Variants in NHSL2 observed in about 807,000 individuals in gnomAD.
NHSL2 encodes the protein NHS-like protein 2.
In NHSL2, 27 loss-of-function variants were observed where a neutral mutation model predicts 53.4. That is an observed-to-expected ratio of 0.51 (90% confidence interval 0.37 to 0.70). NHSL2 has a LOEUF of 0.70. Among genes scored for constraint, NHSL2 ranks in the 30% least tolerant of loss-of-function variants. The pLI is 0.00. For synonymous variants in NHSL2, 408 were observed against 404.1 expected (o/e 1.01, Z -0.12); for missense variants, 892 against 980.1 (o/e 0.91, Z 1.20).
rs761360211 is a variant in NHSL2, at chrX:71,965,624, A to G, written c.280+54257A>G. On this transcript the variant is annotated intron_variant, in intron 1 of 7. Transcript: ENST00000633930. ...ACCTCTCCATATAAACTTTAGAATC[A>G]GTTTGTTGATATCCACAAAATAACT... is the stretch of plus-strand genomic sequence containing the variant. 1.5e-4 allele frequency among the ~76,000 whole-genome samples: 17 copies of G among 112,182 alleles called. No individual in the cohort carries two copies. In the South Asian group the frequency reaches 6.3e-3, roughly 42 times the overall value.
At chrX:72,071,652 A>T (rs1167500722) in intron 1 of NHSL2, among the ~76,000 whole-genome samples, 1 of 110,793 alleles carries the variant, frequency 9.0e-6, no homozygotes, top group Non-Finnish European at 1.9e-5. Context: ...GTGATCCCAG[A>T]AGCCCCGATT....
chrX:72,059,663 C>T (rs768785912), intron 1 of NHSL2, among the ~76,000 whole-genome samples: 3 of 111,717 alleles, frequency 2.7e-5, no homozygotes, highest in Non-Finnish European at 3.8e-5. Context: ...GGAAGGAATT[C>T]AGTTCTGGGT....
chrX:71,972,970 A>G (rs61404131), intron 1 of NHSL2, among the ~76,000 whole-genome samples: 7,229 of 109,719 alleles, frequency 0.066, 234 homozygotes, highest in East Asian at 0.28. Flanking sequence ...AAGAACTATT[A>G]CTTTAGTTTT....
At chrX:71,934,965 C>G (rs982461985) in intron 1 of NHSL2, among the ~76,000 whole-genome samples, 1 of 111,551 alleles carries the variant, frequency 9.0e-6, no homozygotes, top group East Asian at 2.8e-4. Flanking sequence ...TTTAGGGTGC[C>G]CTTCCAGCTG....
intron 1 of NHSL2, among the ~76,000 whole-genome samples, chrX:72,124,141 CA>C (rs1411968676): frequency 0.012 from 1,371 of 110,070 alleles, 23 homozygotes; most frequent in African/African-American, 0.044. Context: ...CCCCACCTCC[CA>C]TTAAGGGGGT....
At chrX:72,137,843 A>G (rs1413185968) in intron 5 of NHSL2, among the ~76,000 whole-genome samples, 1 of 112,246 alleles carries the variant, frequency 8.9e-6, no homozygotes, top group African/African-American at 3.2e-5. Flanking sequence ...AGTTATAATA[A>G]TAATAATAAT....
At chrX:71,986,451 T>C (rs762018796) in intron 1 of NHSL2, among the ~76,000 whole-genome samples, 135 of 112,170 alleles carry the variant, frequency 1.2e-3, no homozygotes, top group Non-Finnish European at 1.5e-3. Context: ...ATGAGGCCAA[T>C]TGAATCTTGA....
chrX:72,096,528 A>G (rs2041945034), intron 1 of NHSL2, among the ~76,000 whole-genome samples: 1 of 112,116 alleles, frequency 8.9e-6, no homozygotes, highest in African/African-American at 3.2e-5. Flanking sequence ...ATTGTATAGG[A>G]TAATATATGG....
chrX:71,972,826 G>C (rs1487857170), intron 1 of NHSL2, among the ~76,000 whole-genome samples: 1 of 107,162 alleles, frequency 9.3e-6, no homozygotes, highest in Admixed American at 1.0e-4. Context: ...TGTTGTTGTT[G>C]TTCTTCAGAC....
At chrX:72,024,833 A>C (rs1428471830) in intron 1 of NHSL2, among the ~76,000 whole-genome samples, 1 of 112,620 alleles carries the variant, frequency 8.9e-6, no homozygotes, top group Non-Finnish European at 1.9e-5. Flanking sequence ...CAAGAAGCAC[A>C]TATGACTATA....
In NHSL2 at chrX:72,151,397, C is replaced by T. The variant is rs1352873959; in HGVS notation, c.*7823C>T. ...CCCTGATCCAGACTGTCTTCTGAGA[C>T]AAGCATTTCTGTGAGCTGCCCCATG... On this transcript the variant is annotated 3_prime_UTR_variant, in exon 8 of 8. Coordinates refer to ENST00000633930, the MANE Select transcript of NHSL2 (RefSeq NM_001013627.3). 2 of 111,071 alleles carry T rather than the reference C, an allele frequency of 1.8e-5. No homozygotes were observed. The highest frequency in any genetic ancestry group is 1.9e-5 in the Non-Finnish European group (1 of 53,184). The allele number at this position is 111,071 out of a possible 1,213,427, so 9.2% of individuals were successfully genotyped here.
At chrX:72,123,749 G>T (rs2042199611) in intron 1 of NHSL2, among the ~76,000 whole-genome samples, 1 of 111,544 alleles carries the variant, frequency 9.0e-6, no homozygotes, top group Admixed American at 9.4e-5. Context: ...TTCCCTTTTA[G>T]CCTCTTTCTC....
At chrX:72,040,172 C>T (rs2042265846) in intron 1 of NHSL2, among the ~76,000 whole-genome samples, 2 of 111,679 alleles carry the variant, frequency 1.8e-5, no homozygotes, top group African/African-American at 6.5e-5. Flanking sequence ...TAACAGGAGA[C>T]ACTCCTGTTA....
rs755929634 is a variant in NHSL2, at chrX:71,948,097, A to G, written c.280+36730A>G. On this transcript the variant is annotated intron_variant, in intron 1 of 7. Coordinates refer to ENST00000633930, the MANE Select transcript of NHSL2 (RefSeq NM_001013627.3). The stretch of plus-strand genomic sequence containing the variant: ...ATAAAATAAAAAGCAAAAGAGATCC[A>G]AGAGAGAAAAATAAAAATAAAATAA... Among the ~76,000 whole-genome samples, 3 of 111,980 alleles carry G rather than the reference A, an allele frequency of 2.7e-5. No individual in the cohort carries two copies. In the East Asian group the frequency reaches 8.4e-4, roughly 31 times the overall value.
intron 1 of NHSL2, among the ~76,000 whole-genome samples, chrX:72,117,818 T>TTTTATTTATTTATTTA (rs779724895): frequency 3.9e-4 from 37 of 95,493 alleles, no homozygotes; most frequent in African/African-American, 1.1e-3. Flanking sequence ...TAGACCACAT[T>TTTTATTTATTTATTTA]TTTATTTATT....
Position 72,138,573 on chromosome X carries a change from C to T in NHSL2, c.1025C>T (p.Ser342Leu), listed in dbSNP as rs1300210335. 4 of 1,167,662 alleles carry T rather than the reference C, an allele frequency of 3.4e-6. No homozygotes were observed. Among genetic ancestry groups the T allele is most frequent in the Non-Finnish European group, 4.6e-6 (4 of 872,806 alleles). ...GATGCTCGGTTCCCAAGTCTCACCT[C>T]GCCAGTACTGAGAACTCCTTCCAGT... Reference protein sequence around the residue: ...GQDARFPSLTSPVLRTPSSEP... With the variant: ...GQDARFPSLTLPVLRTPSSEP... Residue 342 changes from serine to leucine, a missense_variant, in exon 6 of 8, where the codon TCG becomes TTG. By Grantham distance (145) the Ser-to-Leu change is moderately radical. Coordinates refer to ENST00000633930, the MANE Select transcript of NHSL2 (RefSeq NM_001013627.3).
chrX:72,074,397 A>G lies in NHSL2; in HGVS notation c.281-57682A>G, dbSNP rs6625941. Among the ~76,000 whole-genome samples the G allele has an allele frequency of 0.025, 2,833 of 112,244 alleles. 133 individuals are homozygous for G. The East Asian group carries it at 0.26, about 10-fold the overall frequency. ...CCTATCCCCCTGGGAGCTTCTTCCT[A>G]AAGACCTATTTTCTAGTCAGACTTA... On this transcript the variant is annotated intron_variant, in intron 1 of 7. Transcript: ENST00000633930.
intron 1 of NHSL2, among the ~76,000 whole-genome samples, chrX:71,971,574 T>C (rs2041925088): frequency 8.9e-6 from 1 of 112,113 alleles, no homozygotes; most frequent in South Asian, 3.7e-4. Context: ...CAACCTCCTT[T>C]ACCCTATTGT....
At chrX:71,987,053 C>G (rs769996207) in intron 1 of NHSL2, among the ~76,000 whole-genome samples, 1 of 111,153 alleles carries the variant, frequency 9.0e-6, no homozygotes, top group South Asian at 3.8e-4. Context: ...GCATGTAAAA[C>G]TGTTTCTTTA....
Sources: allele counts gnomAD v4.1 joint callset (sites outside exome capture counted in the v4.1 genomes callset), GRCh38; gene constraint gnomAD v4.1.1; transcripts MANE v1.5; gene names NCBI Gene and HGNC (gene_info 2026-07-23, HGNC 2026-07-21).